The following CSMD1 variants were observed in gnomAD, a reference collection of about 807,000 sequenced individuals.
CSMD1 encodes CUB and sushi domain-containing protein 1.
In CSMD1, 213 loss-of-function variants were observed where a neutral mutation model predicts 417.5. That is an observed-to-expected ratio of 0.51 (90% CI 0.46 to 0.57). CSMD1 has a LOEUF of 0.57. Among genes scored for constraint, CSMD1 ranks in the 20% least tolerant of loss-of-function variants. CSMD1 has a pLI of 0.00. For missense variants in CSMD1, 6,923 were observed against 4,529.7 expected (o/e 1.53, Z -15.17); for synonymous variants, 2,862 against 1,736.8 (o/e 1.65, Z -16.11).
chr8:4,141,838 C>T (rs541271078), intron 3 of CSMD1, among the ~76,000 whole-genome samples: 2 of 150,960 alleles, frequency 1.3e-5, no homozygotes, highest in Admixed American at 6.6e-5. Flanking sequence ...CATCATTTAT[C>T]GTGACTAACA....
At chr8:4,256,121 G>C (rs1371788296) in intron 3 of CSMD1, among the ~76,000 whole-genome samples, 1 of 152,200 alleles carries the variant, frequency 6.6e-6, no homozygotes, top group Non-Finnish European at 1.5e-5. Flanking sequence ...CCTGCAAAAT[G>C]CTTTCTGAGC....
chr8:3,892,448 C>T (rs1052629894), intron 5 of CSMD1, among the ~76,000 whole-genome samples: 2 of 152,068 alleles, frequency 1.3e-5, no homozygotes, highest in African/African-American at 4.8e-5. Context: ...GGCTTCATAG[C>T]CCCTCATTCA....
intron 1 of CSMD1, among the ~76,000 whole-genome samples, chr8:4,675,080 T>G (rs957606968): frequency 6.6e-6 from 1 of 152,228 alleles, no homozygotes; most frequent in African/African-American, 2.4e-5. Flanking sequence ...GAATAAATTC[T>G]TGTTGTTTAA....
At chr8:4,944,245 C>T (rs1009070803) in intron 1 of CSMD1, among the ~76,000 whole-genome samples, 3 of 152,112 alleles carry the variant, frequency 2.0e-5, no homozygotes, top group Non-Finnish European at 4.4e-5. Context: ...GAAAGTAGAG[C>T]GACCTCAACA....
intron 3 of CSMD1, among the ~76,000 whole-genome samples, chr8:4,293,017 G>C (rs942961538): frequency 6.6e-6 from 1 of 152,206 alleles, no homozygotes; most frequent in Non-Finnish European, 1.5e-5. Context: ...GCAAGGGAGG[G>C]AAAGTGTGGT....
intron 3 of CSMD1, among the ~76,000 whole-genome samples, chr8:4,058,330 C>T (rs1408517136): frequency 1.3e-5 from 2 of 152,102 alleles, no homozygotes; most frequent in African/African-American, 4.8e-5. Flanking sequence ...ATTTGGCTCT[C>T]TGTTTGCCTG....
intron 5 of CSMD1, among the ~76,000 whole-genome samples, chr8:3,820,854 G>T (rs547679052): frequency 6.6e-6 from 1 of 152,242 alleles, no homozygotes; most frequent in East Asian, 1.9e-4. Context: ...AAAGTGCTGG[G>T]ATTATAGGTC....
intron 2 of CSMD1, among the ~76,000 whole-genome samples, chr8:4,573,819 C>T (rs776835269): frequency 2.6e-5 from 4 of 152,190 alleles, no homozygotes; most frequent in Non-Finnish European, 4.4e-5. Context: ...GGATGACCTG[C>T]CTAGGGAGGA....
Position 2,962,640 on chromosome 8 carries a change from C to T in CSMD1, c.9455-1G>A. 1 of 1,612,776 alleles carries T rather than the reference C, an allele frequency of 6.2e-7. No homozygotes were observed. Among genetic ancestry groups the T allele is most frequent in the Non-Finnish European group, 8.5e-7 (1 of 1,179,180 alleles). On this transcript the variant is annotated splice_acceptor_variant, in intron 60 of 69. Transcript: ENST00000635120. LOFTEE classifies it high-confidence loss of function. Reference sequence around the variant, plus strand: ...ATGCCAGGGTCTCCGCAGAACACAGCTATGGAAGATAACCAGGAAGAAGTC... The same window carrying T: ...ATGCCAGGGTCTCCGCAGAACACAGTTATGGAAGATAACCAGGAAGAAGTC...
intron 4 of CSMD1, among the ~76,000 whole-genome samples, chr8:4,029,288 A>G (rs1288768520): frequency 6.6e-6 from 1 of 152,190 alleles, no homozygotes; most frequent in Non-Finnish European, 1.5e-5. Context: ...AACAAGTTGC[A>G]TTAGTCTGTT....
At chr8:4,293,485 C>T (rs1189237570) in intron 3 of CSMD1, among the ~76,000 whole-genome samples, 1 of 152,154 alleles carries the variant, frequency 6.6e-6, no homozygotes, top group Non-Finnish European at 1.5e-5. Context: ...ATATCTAGCT[C>T]AGTATGCGTT....
intron 3 of CSMD1, among the ~76,000 whole-genome samples, chr8:4,394,823 A>AT: frequency 6.6e-6 from 1 of 151,714 alleles, no homozygotes; most frequent in Non-Finnish European, 1.5e-5. Context: ...AAATTTCTGG[A>AT]TTTTTTCATG....
chr8:4,905,756 C>T (rs969201001), intron 1 of CSMD1, among the ~76,000 whole-genome samples: 5 of 140,490 alleles, frequency 3.6e-5, no homozygotes, highest in African/African-American at 1.3e-4. Flanking sequence ...GGAGGCGGAG[C>T]TTGCAGTGAG....
intron 2 of CSMD1, among the ~76,000 whole-genome samples, chr8:4,570,524 G>A (rs1257832077): frequency 2.0e-5 from 3 of 152,156 alleles, no homozygotes; most frequent in Non-Finnish European, 4.4e-5. Flanking sequence ...TGTGCTGCTG[G>A]ATTTGATTTG....
intron 38 of CSMD1, 44 bp downstream of exon 38, chr8:3,162,115 A>T: frequency 8.0e-7 from 1 of 1,256,856 alleles, no homozygotes. Context: ...CTGCACAAAG[A>T]TGACCATGTG....
intron 2 of CSMD1, among the ~76,000 whole-genome samples, chr8:4,574,747 G>T (rs77902067): frequency 0.015 from 2,299 of 152,234 alleles, 69 homozygotes; most frequent in African/African-American, 0.052. Flanking sequence ...TTTATCATGA[G>T]GTGTACTGAT....
At chr8:4,378,611 A>G (rs1802904094) in intron 3 of CSMD1, among the ~76,000 whole-genome samples, 1 of 152,196 alleles carries the variant, frequency 6.6e-6, no homozygotes, top group African/African-American at 2.4e-5. Context: ...AAGGATGCTA[A>G]AACAAGAGTT....
intron 4 of CSMD1, among the ~76,000 whole-genome samples, chr8:4,006,884 G>A (rs112453234): frequency 7.5e-6 from 1 of 133,556 alleles, no homozygotes; most frequent in African/African-American, 2.9e-5. Flanking sequence ...CTGGAGTGCA[G>A]TGGCGTGATC....
At chr8:4,428,420 T>G (rs1797686645) in intron 2 of CSMD1, among the ~76,000 whole-genome samples, 1 of 152,222 alleles carries the variant, frequency 6.6e-6, no homozygotes, top group African/African-American at 2.4e-5. Flanking sequence ...AATACCTAAA[T>G]GATTTGCTAA....
Sources: gnomAD v4.1 joint callset for allele counts (sites outside exome capture counted in the v4.1 genomes callset) on GRCh38, gnomAD v4.1.1 for gene constraint, MANE v1.5 for transcripts, NCBI Gene and HGNC (gene_info 2026-07-23, HGNC 2026-07-21) for gene names.